The following VWCE variants were observed in gnomAD, a reference collection of about 807,000 sequenced individuals.
VWCE encodes the protein von Willebrand factor C and EGF domain-containing protein.
Under a neutral mutation model 102.9 loss-of-function variants are expected in VWCE, and 68 were observed. The observed-to-expected ratio is 0.66, with a 90% CI of 0.54 to 0.81. The LOEUF is 0.81. VWCE is among the 30% of genes least tolerant of loss of function. VWCE has a pLI of 0.00. For missense variants in VWCE, 1,137 were observed against 1,263.6 expected (o/e 0.90, Z 1.52); for synonymous variants, 497 against 515.4 (o/e 0.96, Z 0.48).
At chr11:61,268,805 ATGGGGTTGTCCCT>A in intron 15 of VWCE, 104 bp downstream of exon 15, 1 of 997,910 alleles carries the variant, frequency 1.0e-6, no homozygotes, top group South Asian at 1.4e-5. Context: ...TATCTGTGCA[ATGGGGTTGTCCCT>A]TGGGGTTGTT....
intron 19 of VWCE, among the ~76,000 whole-genome samples, chr11:61,263,947 C>G (rs935359798): frequency 5.9e-5 from 9 of 151,282 alleles, no homozygotes; most frequent in Non-Finnish European, 1.3e-4. Context: ...GAGTGCAGGC[C>G]GGGCGCAGTG....
At chr11:61,279,512 A>G (rs192536662) in intron 9 of VWCE, among the ~76,000 whole-genome samples, 3 of 151,570 alleles carry the variant, frequency 2.0e-5, no homozygotes, top group Admixed American at 2.0e-4. Flanking sequence ...CAGTGAGCCG[A>G]GATCACACCA....
In VWCE at chr11:61,280,663, T is replaced by C. The variant is rs747405910; in HGVS notation, c.1285A>G (p.Ile429Val). ...VRCEAACSHP[I>V]PSRDGGCCPS... ...CAGCACCCACCATCTCTGGAGGGAA[T>C]TGGGTGGGAACAAGCAGCTTCACAC... Residue 429 changes from isoleucine (I) to valine (V), a missense_variant, in exon 9 of 20, where the codon ATT becomes GTT. Transcript: ENST00000335613. 8 of 1,613,920 alleles carry C rather than the reference T, an allele frequency of 5.0e-6. No homozygotes were observed. The South Asian group carries it at 7.7e-5, about 16-fold the overall frequency.
rs758573672 is a variant in VWCE at position 61,273,292 on chromosome 11, T to C, written c.1606A>G (p.Met536Val). 2.5e-6 allele frequency: 4 copies of C among 1,612,958 alleles called. No homozygotes were observed. The South Asian group carries it at 4.4e-5, about 18-fold the overall frequency. ...CQNGEVECSF[M>V]PCPELACPRE... ...GGGCAGGCCAGCTCAGGGCAGGGCA[T>C]GAAGGAGCACTCCACCTCCCCATTC... The change falls in exon 13 of 20, where the codon ATG (methionine) becomes GTG (valine). Residue 536 changes from methionine (M) to valine (V), a missense_variant. Met to Val is a conservative substitution (Grantham distance 21). Transcript: ENST00000335613.
Position 61,294,908 on chromosome 11 carries a change from G to A in VWCE, c.110+20C>T, listed in dbSNP as rs918109475. Reference sequence around the variant, plus strand: ...GCGCTCTCCCGGGCGGGGGAGCGGGGAGGAGCTCCGGGCGCTTACCTCTCG... The same window carrying A: ...GCGCTCTCCCGGGCGGGGGAGCGGGAAGGAGCTCCGGGCGCTTACCTCTCG... On this transcript the variant is annotated intron_variant, in intron 1 of 19. Coordinates refer to ENST00000335613, the MANE Select transcript of VWCE (RefSeq NM_152718.2). The surrounding 1 kb of genome is among the most constrained non-coding windows in gnomAD (Gnocchi z 6.3). 4 of 1,376,454 alleles carry A rather than the reference G, an allele frequency of 2.9e-6. No homozygotes were observed. Among genetic ancestry groups the A allele is most frequent in the Non-Finnish European group, 3.8e-6 (4 of 1,057,104 alleles). 85.3% of individuals were successfully genotyped at this position (1,376,454 alleles called of 1,614,324 possible). A position where few individuals can be genotyped will look rare whatever the true frequency, so the allele number is the denominator to read the frequency against.
chr11:61,274,046 CCTGA>C (rs1373894748), intron 12 of VWCE, among the ~76,000 whole-genome samples: 1 of 152,148 alleles, frequency 6.6e-6, no homozygotes, highest in Non-Finnish European at 1.5e-5. Context: ...TTGCCGCCTG[CCTGA>C]CTCTCTCCAT....
intron 5 of VWCE, 104 bp from the exon 6 acceptor site, chr11:61,283,009 C>T: frequency 2.1e-6 from 2 of 963,346 alleles, no homozygotes; most frequent in South Asian, 1.4e-5. Flanking sequence ...ACACACAGGG[C>T]TGTGGGGAAC....
intron 14 of VWCE, 46 bp downstream of exon 14, chr11:61,271,629 G>T: frequency 6.4e-7 from 1 of 1,556,958 alleles, no homozygotes. Context: ...TGGGTGAGGC[G>T]GGGCAGCCAG....
intron 1 of VWCE, among the ~76,000 whole-genome samples, chr11:61,293,332 G>A (rs568505755): frequency 6.7e-6 from 1 of 148,600 alleles, no homozygotes; most frequent in Non-Finnish European, 1.5e-5. Flanking sequence ...CATGAGAATC[G>A]CTTGAACCCA....
rs756675377 is a variant in VWCE, at chr11:61,258,987, T to C, written c.2556A>G (p.Pro852=). ...PRLSPGPSTP[P]GAPTLPLASP... The stretch of plus-strand genomic sequence containing the variant: ...AAGCTAGAGGTAGAGTGGGGGCTCC[T>C]GGAGGGGTCGAAGGCCCTGGTGAGA... The change falls in exon 20 of 20, where the codon CCA becomes CCG. Residue 852 remains proline (P), a synonymous_variant. Coordinates refer to ENST00000335613, the MANE Select transcript of VWCE (RefSeq NM_152718.2). The C allele has an allele frequency of 1.2e-6, 2 of 1,609,656 alleles. No individual in the cohort carries two copies. Among genetic ancestry groups the C allele is most frequent in the Non-Finnish European group, 1.7e-6 (2 of 1,177,804 alleles).
chr11:61,284,186 A>G (rs1176380063), intron 5 of VWCE, among the ~76,000 whole-genome samples: 1 of 152,050 alleles, frequency 6.6e-6, no homozygotes, highest in East Asian at 1.9e-4. Flanking sequence ...CAACACAGCA[A>G]GACCTCATCT....
At chr11:61,282,967 T>C in intron 5 of VWCE, 62 bp from the exon 6 acceptor site, 3 of 1,389,174 alleles carry the variant, frequency 2.2e-6, no homozygotes, top group Admixed American at 1.7e-5. Context: ...AAATATATGG[T>C]CCCCTCTTCC....
rs373665321 is a variant in VWCE, at chr11:61,281,147, G to A, written c.876C>T (p.Gly292=). The change falls in exon 8 of 20, where the codon GGC becomes GGT. Residue 292 remains glycine (G), a synonymous_variant. Transcript: ENST00000335613. Reference sequence around the variant, plus strand: ...TATGTCCTGGGGACAGGGCAGGCCGGCCGGCCTCAGGAAGCAACAGAAGCA... The same window carrying A: ...TATGTCCTGGGGACAGGGCAGGCCGACCGGCCTCAGGAAGCAACAGAAGCA... The part of the protein sequence containing the change: ...SKMLLLLPEA[G]RPALSPGHSP... The A allele has an allele frequency of 1.9e-6, 3 of 1,613,604 alleles. No individual in the cohort carries two copies. Among genetic ancestry groups the A allele is most frequent in the African/African-American group, 1.3e-5 (1 of 74,896 alleles).
chr11:61,294,648 C>T lies in VWCE; in HGVS notation c.110+280G>A, dbSNP rs918195147. 6.6e-6 allele frequency among the ~76,000 whole-genome samples: 1 copy of T among 152,142 alleles called. No individual in the cohort carries two copies. ...CTGGGCTCCCCTCTCCAGAGGTCCG[C>T]GCTCCAGGGCACATTAGGAGTCACC... On this transcript the variant is annotated intron_variant, in intron 1 of 19. Coordinates refer to ENST00000335613, the MANE Select transcript of VWCE (RefSeq NM_152718.2). The surrounding 1 kb of genome is among the most constrained non-coding windows in gnomAD (Gnocchi z 6.3).
chr11:61,270,890 T>A (rs1204137725), intron 14 of VWCE, among the ~76,000 whole-genome samples: 2 of 151,388 alleles, frequency 1.3e-5, no homozygotes, highest in Non-Finnish European at 2.9e-5. Flanking sequence ...TGCAGTGATG[T>A]GATCACGGCT....
chr11:61,271,782 G>C (rs759515126), intron 13 of VWCE, 22 bp from the exon 14 acceptor site: 5 of 1,609,658 alleles, frequency 3.1e-6, no homozygotes, highest in Non-Finnish European at 4.2e-6. Context: ...CAATGGCAGA[G>C]AAAAGACGGC....
intron 1 of VWCE, among the ~76,000 whole-genome samples, chr11:61,292,521 T>C (rs1590663553): frequency 6.6e-6 from 1 of 152,052 alleles, no homozygotes; most frequent in African/African-American, 2.4e-5. Context: ...GAGGGAAAGG[T>C]TGAGAAGGGC....
chr11:61,286,235 TG>T, intron 5 of VWCE, 78 bp downstream of exon 5: 1 of 1,370,256 alleles, frequency 7.3e-7, no homozygotes, highest in South Asian at 1.2e-5. Flanking sequence ...CACACTGCAC[TG>T]GGCATGGCAG....
At chr11:61,273,601 C>T (rs1854808016) in intron 12 of VWCE, 3 of 440,426 alleles carry the variant, frequency 6.8e-6, no homozygotes, top group Non-Finnish European at 1.2e-5. Flanking sequence ...TCCATCCAGG[C>T]TCCCTACTGC....
Sources: allele counts gnomAD v4.1 joint callset (sites outside exome capture counted in the v4.1 genomes callset), GRCh38; gene constraint gnomAD v4.1.1; non-coding constraint Gnocchi (gnomAD v3.1); transcripts MANE v1.5; gene names NCBI Gene and HGNC (gene_info 2026-07-23, HGNC 2026-07-21).